EPHB3: variants seen among roughly 807,000 people sequenced by gnomAD.
The protein encoded by EPHB3 is EPH receptor B3.
In EPHB3, 33 loss-of-function variants were observed where a neutral mutation model predicts 100.2. The ratio of observed to expected loss-of-function variants is 0.33; its 90% CI spans 0.25 to 0.44. The LOEUF is 0.44. Ranked by LOEUF, EPHB3 falls within the 20% of genes least tolerant of loss-of-function variation. EPHB3 has a pLI of 1.00. For synonymous variants in EPHB3, 526 were observed against 554.7 expected (o/e 0.95, Z 0.73); for missense variants, 1,045 against 1,378.3 (o/e 0.76, Z 3.83).
In EPHB3 at chr3:184,573,070, G is replaced by C. The variant is rs1440172841; in HGVS notation, c.750G>C (p.Val250=). ...TCCCTAACGCCGTGGAGGTGTCGGT[G>C]CCACTCAAGCTCTACTGCAACGGCG... ...TCIPNAVEVS[V]PLKLYCNGDG... Residue 250 remains valine, a synonymous_variant, in exon 3 of 16, where the codon GTG becomes GTC. Coordinates refer to ENST00000330394, the MANE Select transcript of EPHB3 (RefSeq NM_004443.4). The surrounding 1 kb of genome is among the most constrained non-coding windows in gnomAD (Gnocchi z 4.5). 1 of 1,613,218 alleles carries C rather than the reference G, an allele frequency of 6.2e-7. No individual in the cohort carries two copies. The highest frequency in any genetic ancestry group is 8.5e-7 in the Non-Finnish European group (1 of 1,180,036).
At chr3:184,575,803 C>A in intron 3 of EPHB3, 27 bp from the exon 4 acceptor site, 1 of 1,562,784 alleles carries the variant, frequency 6.4e-7, no homozygotes. Context: ...GGGAGGTGAG[C>A]CCCATTCATC....
At position 184,565,150 on chromosome 3, in the gene EPHB3, G is replaced by GTCCT. The variant is rs1714351655; in HGVS notation, c.118+2799_118+2802dup. On this transcript the variant is annotated intron_variant, in intron 1 of 15. Coordinates refer to ENST00000330394, the MANE Select transcript of EPHB3 (RefSeq NM_004443.4). This position sits in a 1 kb window ranked among gnomAD's most constrained non-coding sequence, Gnocchi z 4.8. ...AGTTTTCCATGTGGATGGAGCCTGG[G>GTCCT]TCCTTGCTTGTCCTCGTGGTTGAAA... 6.6e-6 allele frequency among the ~76,000 whole-genome samples: 1 copy of GTCCT among 152,092 alleles called. No individual in the cohort carries two copies. Among genetic ancestry groups the GTCCT allele is most frequent in the Non-Finnish European group, 1.5e-5 (1 of 68,026 alleles).
chr3:184,572,670 A>G lies in EPHB3; in HGVS notation c.350A>G (p.Asn117Ser). The change falls in exon 3 of 16, where the codon AAC becomes AGC. Residue 117 changes from asparagine to serine, a missense_variant. By Grantham distance (46) the Asn-to-Ser change is conservative (BLOSUM62 1). This residue lies in a region of EPHB3 where 985 missense variants were observed against 1,331.1 expected (regional missense o/e 0.74). Transcript: ENST00000330394. The surrounding 1 kb of genome is among the most constrained non-coding windows in gnomAD (Gnocchi z 6.6). ...VELKFTVRDC[N>S]SIPNIPGSCK... ...CTCAAGTTCACTGTGCGTGACTGCA[A>G]CAGCATCCCCAACATCCCCGGCTCC... 1 of 1,594,234 alleles carries G rather than the reference A, an allele frequency of 6.3e-7. No homozygotes were observed. Among genetic ancestry groups the G allele is most frequent in the East Asian group, 2.2e-5 (1 of 44,772 alleles).
At position 184,567,529 on chromosome 3, in the gene EPHB3, G is replaced by A. The variant is rs144021257; in HGVS notation, c.119-3789G>A. On this transcript the variant is annotated intron_variant, in intron 1 of 15. Coordinates refer to ENST00000330394, the MANE Select transcript of EPHB3 (RefSeq NM_004443.4). ...TGTGTGTGTGTTGCGGGTGCATGGAGGATGCACCTCTGAGGCTTTACACAA... is the reference window on the plus strand; with the variant it reads ...TGTGTGTGTGTTGCGGGTGCATGGAAGATGCACCTCTGAGGCTTTACACAA... 2.0e-3 allele frequency among the ~76,000 whole-genome samples: 298 copies of A among 152,014 alleles called. 2 individuals are homozygous for A. Among genetic ancestry groups the A allele is most frequent in the African/African-American group, 6.8e-3 (283 of 41,440 alleles).
chr3:184,578,449 A>T lies in EPHB3; in HGVS notation c.1784A>T (p.Glu595Val), dbSNP rs1212349187. The T allele has an allele frequency of 6.2e-7, 1 of 1,613,982 alleles. No individual in the cohort carries two copies. The highest frequency in any genetic ancestry group is 1.1e-5 in the South Asian group (1 of 91,082). Residue 595 changes from glutamate to valine, a missense_variant, in exon 9 of 16, where the codon GAG becomes GTG. Physicochemically the swap from Glu to Val is moderately radical, Grantham distance 121 (BLOSUM62 -2). Coordinates refer to ENST00000330394, the MANE Select transcript of EPHB3 (RefSeq NM_004443.4). This position sits in a 1 kb window ranked among gnomAD's most constrained non-coding sequence, Gnocchi z 4.7. ...CACGGCTCTGATTCGGAGTACACGG[A>T]GAAGCTGCAGCAGTACAGTGAGTTT... ...QRHGSDSEYTEKLQQYIAPGM... is the reference protein window; with the variant it reads ...QRHGSDSEYTVKLQQYIAPGM...
Position 184,572,482 on chromosome 3 carries a change from T to C in EPHB3, c.184-22T>C. 1 of 1,536,362 alleles carries C rather than the reference T, an allele frequency of 6.5e-7. No homozygotes were observed. Among genetic ancestry groups the C allele is most frequent in the Non-Finnish European group, 8.7e-7 (1 of 1,149,262 alleles). On this transcript the variant is annotated intron_variant, in intron 2 of 15. Transcript: ENST00000330394. This position sits in a 1 kb window ranked among gnomAD's most constrained non-coding sequence, Gnocchi z 6.6. ...GGCAAATGCAGGCATTCACTCTGTC[T>C]TTTTCATTGGTCCATGCACAGTGGG...
chr3:184,571,595 C>T lies in EPHB3; in HGVS notation c.183+213C>T, dbSNP rs576634768. On this transcript the variant is annotated intron_variant, in intron 2 of 15. Coordinates refer to ENST00000330394, the MANE Select transcript of EPHB3 (RefSeq NM_004443.4). This position sits in a 1 kb window ranked among gnomAD's most constrained non-coding sequence, Gnocchi z 5.0. ...TCTCTGTGGGCATTTCTATCTCTCA[C>T]CCCTCTGCCTGCCTGTGCCCCCCAG... Among the ~76,000 whole-genome samples, 48 of 152,138 alleles carry T rather than the reference C, an allele frequency of 3.2e-4. No homozygotes were observed. The East Asian group carries it at 4.5e-3, about 14-fold the overall frequency.
chr3:184,562,365 CG>C lies in EPHB3; in HGVS notation c.118+18del, dbSNP rs1560050576. On this transcript the variant is annotated intron_variant, in intron 1 of 15. Coordinates refer to ENST00000330394, the MANE Select transcript of EPHB3 (RefSeq NM_004443.4). This position sits in a 1 kb window ranked among gnomAD's most constrained non-coding sequence, Gnocchi z 4.8. ...CCGGGCGCTGGAAGGTGAGCGGCGT[CG>C]GGGGGCGCGCCCGGGAACAAGGTGC... The C allele has an allele frequency of 1.5e-5, 18 of 1,219,514 alleles. No homozygotes were observed. Among genetic ancestry groups the C allele is most frequent in the South Asian group, 7.4e-5 (2 of 26,968 alleles). The allele number at this position is 1,219,514 out of a possible 1,614,324, so 75.5% of individuals were successfully genotyped here. A position where few individuals can be genotyped will look rare whatever the true frequency, so the allele number is the denominator to read the frequency against.
Position 184,563,446 on chromosome 3 carries a change from G to C in EPHB3, c.118+1093G>C, listed in dbSNP as rs79151247. On this transcript the variant is annotated intron_variant, in intron 1 of 15. Coordinates refer to ENST00000330394, the MANE Select transcript of EPHB3 (RefSeq NM_004443.4). The surrounding 1 kb of genome is among the most constrained non-coding windows in gnomAD (Gnocchi z 4.1). ...GTTTAGGAACGAAAACACGAACTCT[G>C]TGGAACTTGGCTTGTTCTTATGTTC... is the stretch of plus-strand genomic sequence containing the variant. Among the ~76,000 whole-genome samples, 1 of 152,198 alleles carries C rather than the reference G, an allele frequency of 6.6e-6. No homozygotes were observed. The highest frequency in any genetic ancestry group is 1.5e-5 in the Non-Finnish European group (1 of 68,048).
chr3:184,580,296 C>T, intron 11 of EPHB3, 106 bp from the exon 12 acceptor site: 1 of 1,423,342 alleles, frequency 7.0e-7, no homozygotes. Flanking sequence ...GACATGGTTG[C>T]AGGAGAGACG....
chr3:184,566,896 A>G (rs570849681), intron 1 of EPHB3, among the ~76,000 whole-genome samples: 15 of 152,152 alleles, frequency 9.9e-5, no homozygotes, highest in African/African-American at 3.4e-4. Flanking sequence ...CTGGGTCTCA[A>G]TGACACTTTT....
rs1224526086 is a variant in EPHB3, at chr3:184,577,257, G to A, written c.1354+74G>A. On this transcript the variant is annotated intron_variant, in intron 5 of 15. Coordinates refer to ENST00000330394, the MANE Select transcript of EPHB3 (RefSeq NM_004443.4). The surrounding 1 kb of genome is among the most constrained non-coding windows in gnomAD (Gnocchi z 4.9). ...TGAGGTGTCCCAGGACCTGCTAAGG[G>A]ACCACTGGGGGTCCCATGGGAAGTG... The A allele has an allele frequency of 1.3e-6, 2 of 1,581,498 alleles. No homozygotes were observed. Among genetic ancestry groups the A allele is most frequent in the Non-Finnish European group, 1.7e-6 (2 of 1,162,734 alleles).
At position 184,577,390 on chromosome 3, in the gene EPHB3, AGCCTCACCCTATCCTGG is replaced by A; in HGVS notation, c.1405_1421del (p.Leu469ThrfsTer18). On this transcript the variant is annotated frameshift_variant, in exon 6 of 16. Coordinates refer to ENST00000330394, the MANE Select transcript of EPHB3 (RefSeq NM_004443.4). LOFTEE classifies it high-confidence loss of function. The surrounding 1 kb of genome is among the most constrained non-coding windows in gnomAD (Gnocchi z 4.9). ...ACGCCTGCACAGCAGCTCAGGCAGC[AGCCTCACCCTATCCTGG>A]GCACCCCCAGAGCGGCCCAACGGAG... 2 of 1,613,964 alleles carry A rather than the reference AGCCTCACCCTATCCTGG, an allele frequency of 1.2e-6. No individual in the cohort carries two copies. Among genetic ancestry groups the A allele is most frequent in the Non-Finnish European group, 1.7e-6 (2 of 1,180,034 alleles).
At position 184,580,325 on chromosome 3, in the gene EPHB3, C is replaced by G. The variant is rs533990214; in HGVS notation, c.2173-77C>G. ...AGAGACGAGGTAGAGTCTGAGTACTCGGAGAGGGAAGGCAGGTGGGCAGGC... is the reference window on the plus strand; with the variant it reads ...AGAGACGAGGTAGAGTCTGAGTACTGGGAGAGGGAAGGCAGGTGGGCAGGC... On this transcript the variant is annotated intron_variant, in intron 11 of 15. Transcript: ENST00000330394. The G allele has an allele frequency of 4.4e-6, 7 of 1,578,904 alleles. No homozygotes were observed. The Admixed American group carries it at 6.7e-5, about 15-fold the overall frequency.
chr3:184,580,040 C>T, intron 11 of EPHB3, 106 bp downstream of exon 11: 2 of 1,502,510 alleles, frequency 1.3e-6, no homozygotes, highest in Non-Finnish European at 1.8e-6. Flanking sequence ...TAAGCATTTA[C>T]TGAGGTGGCT....
rs773915108 is a variant in EPHB3, at chr3:184,580,713, G to T, written c.2389-16G>T. 1.9e-6 allele frequency: 3 copies of T among 1,613,194 alleles called. No individual in the cohort carries two copies. The highest frequency in any genetic ancestry group is 1.7e-6 in the Non-Finnish European group (2 of 1,179,534). On this transcript the variant is annotated splice_polypyrimidine_tract_variant and intron_variant, in intron 12 of 15. Transcript: ENST00000330394. Reference sequence around the variant, plus strand: ...CCCGGAGTCACAGGGTGAAGGGCCTGTGCCCCCCTCACCAGGGCGGGAAGA... The same window carrying T: ...CCCGGAGTCACAGGGTGAAGGGCCTTTGCCCCCCTCACCAGGGCGGGAAGA...
In EPHB3 at chr3:184,572,901, A is replaced by G; in HGVS notation, c.581A>G (p.Gln194Arg). The stretch of plus-strand genomic sequence containing the variant: ...AAGGCTGGCTTCTACCTGGCCTTCC[A>G]GGACCAGGGCGCCTGCATGTCGCTC... ...LSKAGFYLAF[Q>R]DQGACMSLIS... Residue 194 changes from glutamine to arginine, a missense_variant, in exon 3 of 16, where the codon CAG becomes CGG. Around this residue, in one of 2 missense-constraint regions of EPHB3, gnomAD observed 985 missense variants for 1,331.1 expected, o/e 0.74. Coordinates refer to ENST00000330394, the MANE Select transcript of EPHB3 (RefSeq NM_004443.4). The surrounding 1 kb of genome is among the most constrained non-coding windows in gnomAD (Gnocchi z 6.6). The G allele has an allele frequency of 1.3e-6, 2 of 1,561,916 alleles. No homozygotes were observed. The highest frequency in any genetic ancestry group is 2.3e-5 in the East Asian group (1 of 44,394).
In EPHB3 at chr3:184,577,833, C is replaced by A. The variant is rs764433518; in HGVS notation, c.1639+16C>A. 3 of 1,605,354 alleles carry A rather than the reference C, an allele frequency of 1.9e-6. No individual in the cohort carries two copies. Among genetic ancestry groups the A allele is most frequent in the African/African-American group, 1.3e-5 (1 of 74,776 alleles). On this transcript the variant is annotated intron_variant, in intron 7 of 15. Transcript: ENST00000330394. This position sits in a 1 kb window ranked among gnomAD's most constrained non-coding sequence, Gnocchi z 4.9. ...AGTGAGAGAGGTTAGTAGCCCCCTG[C>A]GCCTGTCCCCATCGCGGCCCTCACT...
Position 184,573,718 on chromosome 3 carries a change from T to A in EPHB3, c.856+542T>A, listed in dbSNP as rs1477142514. 3.0e-5 allele frequency among the ~76,000 whole-genome samples: 2 copies of A among 66,678 alleles called. No homozygotes were observed. The highest frequency in any genetic ancestry group is 8.0e-5 in the Non-Finnish European group (2 of 25,154). The allele number at this position is 66,678 out of a possible 152,430, so 43.7% of individuals were successfully genotyped here. A position where few individuals can be genotyped will look rare whatever the true frequency, so the allele number is the denominator to read the frequency against. On this transcript the variant is annotated intron_variant, in intron 3 of 15. Transcript: ENST00000330394. This position sits in a 1 kb window ranked among gnomAD's most constrained non-coding sequence, Gnocchi z 4.5. ...CTTACGTGACCTTGGGCAAGTTACTTTTTTTTTTTTTTTTTTGAGATGGAG... is the reference window on the plus strand; with the variant it reads ...CTTACGTGACCTTGGGCAAGTTACTATTTTTTTTTTTTTTTTGAGATGGAG...
Sources: gnomAD v4.1 joint callset for allele counts (sites outside exome capture counted in the v4.1 genomes callset) on GRCh38, gnomAD v4.1.1 for gene constraint, gnomAD v4.1.1 regional missense constraint, Gnocchi (gnomAD v3.1) non-coding constraint, MANE v1.5 for transcripts, NCBI Gene and HGNC (gene_info 2026-07-23, HGNC 2026-07-21) for gene names.